The following HNF4G variants were observed in gnomAD, a reference collection of about 807,000 sequenced individuals.
HNF4G encodes hepatocyte nuclear factor 4 gamma, also known as hepatocyte nuclear factor 4-gamma.
A neutral mutation model predicts 50.9 loss-of-function variants in HNF4G; 21 were observed. The ratio of observed to expected loss-of-function variants is 0.41; its 90% CI spans 0.29 to 0.59. HNF4G has a LOEUF of 0.59. Ranked by LOEUF, HNF4G falls within the 20% of genes least tolerant of loss-of-function variation. The pLI is 0.26. For synonymous variants in HNF4G, 198 were observed against 185.6 expected (o/e 1.07, Z -0.54); for missense variants, 527 against 559.4 (o/e 0.94, Z 0.58).
intron 2 of HNF4G, among the ~76,000 whole-genome samples, chr8:75,518,415 C>A (rs571550918): frequency 1.3e-5 from 2 of 152,024 alleles, no homozygotes; most frequent in Non-Finnish European, 2.9e-5. Flanking sequence ...CTGTGGAAGT[C>A]GGTGTGGCGA....
chr8:75,540,030 C>T lies in HNF4G; in HGVS notation c.68C>T (p.Thr23Ile). ...AATTACAGTGAAGTTTTGGACCCAA[C>T]TTACACAACTTTGGAGTTTGAAACT... ...MANYSEVLDP[T>I]YTTLEFETMQ... The change falls in exon 1 of 10, where the codon ACT becomes ATT. Residue 23 changes from threonine (T) to isoleucine (I), a missense_variant. Coordinates refer to ENST00000396423, the MANE Select transcript of HNF4G (RefSeq NM_004133.5). 2 of 1,609,786 alleles carry T rather than the reference C, an allele frequency of 1.2e-6. No homozygotes were observed. Among genetic ancestry groups the T allele is most frequent in the South Asian group, 1.1e-5 (1 of 90,998 alleles).
At chr8:75,421,339 G>A (rs1810770421) in intron 1 of HNF4G, among the ~76,000 whole-genome samples, 1 of 152,150 alleles carries the variant, frequency 6.6e-6, no homozygotes, top group Non-Finnish European at 1.5e-5. Flanking sequence ...TTTAAAGGAA[G>A]TTTAATCTGC....
intron 1 of HNF4G, among the ~76,000 whole-genome samples, chr8:75,540,707 TA>T: frequency 6.6e-6 from 1 of 152,252 alleles, no homozygotes; most frequent in Admixed American, 6.5e-5. Flanking sequence ...ATGAGTTTTT[TA>T]GGGGTAGTGT....
intron 4 of HNF4G, 124 bp from the exon 5 acceptor site, chr8:75,552,918 A>C: frequency 1.7e-6 from 1 of 575,398 alleles, no homozygotes; most frequent in South Asian, 2.8e-5. Context: ...AGTATTTGTC[A>C]AGATACTGTA....
chr8:75,431,817 T>C (rs1332092360), intron 1 of HNF4G, among the ~76,000 whole-genome samples: 1 of 151,456 alleles, frequency 6.6e-6, no homozygotes, highest in African/African-American at 2.4e-5. Flanking sequence ...TCCCAGCTAC[T>C]CGGGAGGCTG....
intron 1 of HNF4G, among the ~76,000 whole-genome samples, chr8:75,440,789 T>C (rs1811261044): frequency 6.6e-6 from 1 of 152,188 alleles, no homozygotes; most frequent in Non-Finnish European, 1.5e-5. Flanking sequence ...AGACTATACA[T>C]GTATGTATAA....
intron 1 of HNF4G, among the ~76,000 whole-genome samples, chr8:75,422,631 G>T (rs1810799078): frequency 6.6e-6 from 1 of 151,500 alleles, no homozygotes; most frequent in South Asian, 2.1e-4. Context: ...TTTCTCTGCT[G>T]CATTATCTTT....
intron 2 of HNF4G, among the ~76,000 whole-genome samples, chr8:75,534,611 T>C (rs989944511): frequency 2.6e-5 from 4 of 151,920 alleles, no homozygotes; most frequent in Non-Finnish European, 5.9e-5. Context: ...TAAATATAAA[T>C]AGTTCAGGTA....
At chr8:75,442,999 T>A (rs1811323516) in intron 1 of HNF4G, among the ~76,000 whole-genome samples, 1 of 152,168 alleles carries the variant, frequency 6.6e-6, no homozygotes, top group Non-Finnish European at 1.5e-5. Context: ...GCTGAAATCT[T>A]AATTCTCAAG....
intron 2 of HNF4G, among the ~76,000 whole-genome samples, chr8:75,531,883 C>T (rs2130767747): frequency 6.6e-6 from 1 of 152,078 alleles, no homozygotes; most frequent in Admixed American, 6.5e-5. Context: ...TAAAAGACAA[C>T]TGTATTCATT....
intron 1 of HNF4G, among the ~76,000 whole-genome samples, chr8:75,438,453 C>A (rs1048114484): frequency 6.6e-6 from 1 of 152,140 alleles, no homozygotes; most frequent in Non-Finnish European, 1.5e-5. Context: ...AACATCCAAC[C>A]CTGCTCCAGA....
chr8:75,476,599 T>C (rs1283033136), intron 1 of HNF4G, among the ~76,000 whole-genome samples: 1 of 152,220 alleles, frequency 6.6e-6, no homozygotes, highest in African/African-American at 2.4e-5. Flanking sequence ...AATACAAACA[T>C]AGTTTTTAAA....
chr8:75,458,369 CT>C (rs61411885), intron 1 of HNF4G, among the ~76,000 whole-genome samples: 38,943 of 117,080 alleles, frequency 0.33, 6,549 homozygotes, highest in African/African-American at 0.51. Context: ...AATGGTCTAA[CT>C]TTTTTTTTTT....
intron 2 of HNF4G, 88 bp downstream of exon 2, chr8:75,544,067 C>T: frequency 8.6e-6 from 10 of 1,161,474 alleles, no homozygotes; most frequent in South Asian, 6.4e-5. Context: ...TCAGAGTTTT[C>T]GTATATCTGT....
At chr8:75,448,487 T>TAAAAAAAAAAAAAAAAAAAAAACTTAA (rs36100694) in intron 1 of HNF4G, among the ~76,000 whole-genome samples, 1 of 105,868 alleles carries the variant, frequency 9.4e-6, no homozygotes, top group Non-Finnish European at 1.8e-5. Flanking sequence ...AAGACCTCTT[T>TAAAAAAAAAAAAAAAAAAAAAACTTAA]AAAAAAAAAA....
intron 2 of HNF4G, among the ~76,000 whole-genome samples, chr8:75,516,446 A>T (rs1805890900): frequency 6.6e-6 from 1 of 151,536 alleles, no homozygotes; most frequent in African/African-American, 2.4e-5. Context: ...TGTGATTTTT[A>T]TTGCTTTATA....
chr8:75,448,270 C>T (rs1410581926), intron 1 of HNF4G, among the ~76,000 whole-genome samples: 5 of 113,070 alleles, frequency 4.4e-5, no homozygotes, highest in African/African-American at 1.8e-4. Context: ...ATACCACACT[C>T]TGGGGACTGT....
intron 1 of HNF4G, among the ~76,000 whole-genome samples, chr8:75,426,740 A>G (rs1810898370): frequency 6.6e-6 from 1 of 151,744 alleles, no homozygotes; most frequent in South Asian, 2.1e-4. Flanking sequence ...TTATTGGAGG[A>G]TAAAAGGTTG....
In HNF4G at chr8:75,492,320, G is replaced by A. The variant is rs146677122; in HGVS notation, c.-24+2112G>A. On this transcript the variant is annotated intron_variant, in intron 2 of 10. Coordinates refer to the HNF4G transcript ENST00000354370. ...CCTAAGTAGTGTCTGAGATCAGATA[G>A]AGTGCTCTCTGGTTTAATAACTGTT... Among the ~76,000 whole-genome samples, 5 of 152,240 alleles carry A rather than the reference G, an allele frequency of 3.3e-5. No individual in the cohort carries two copies. In the East Asian group the frequency reaches 9.7e-4, roughly 29 times the overall value.
Sources: allele counts gnomAD v4.1 joint callset (sites outside exome capture counted in the v4.1 genomes callset), GRCh38; gene constraint gnomAD v4.1.1; transcripts MANE v1.5; gene names NCBI Gene and HGNC (gene_info 2026-07-23, HGNC 2026-07-21).